Variants in ATP2B2 observed in about 807,000 individuals in gnomAD.
ATP2B2 encodes the protein ATPase plasma membrane Ca2+ transporting 2.
Under a neutral mutation model 120.0 loss-of-function variants are expected in ATP2B2, and 15 were observed. The ratio of observed to expected loss-of-function variants is 0.12; its 90% CI spans 0.08 to 0.19. The LOEUF is 0.19. ATP2B2 is among the 10% of genes least tolerant of loss of function. The pLI, the probability that ATP2B2 is intolerant of heterozygous loss-of-function variation, is 1.00. For synonymous variants in ATP2B2, 694 were observed against 700.3 expected (o/e 0.99, Z 0.14); for missense variants, 1,045 against 1,719.8 (o/e 0.61, Z 6.94).
chr3:10,563,377 G>T (rs934959942), intron 2 of ATP2B2, among the ~76,000 whole-genome samples: 8 of 152,196 alleles, frequency 5.3e-5, no homozygotes, highest in African/African-American at 7.2e-5. Context: ...CTAACTCCTG[G>T]CAAATCAATA....
intron 2 of ATP2B2, among the ~76,000 whole-genome samples, chr3:10,414,170 G>C (rs1386399525): frequency 1.3e-5 from 2 of 152,198 alleles, no homozygotes; most frequent in Admixed American, 1.3e-4. Flanking sequence ...AGTAGGTGAG[G>C]CCAGCCAAAC....
intron 2 of ATP2B2, among the ~76,000 whole-genome samples, chr3:10,575,073 CCGCTG>C (rs748519788): frequency 9.9e-5 from 15 of 152,200 alleles, no homozygotes; most frequent in South Asian, 4.1e-4. Context: ...GGTGAAGTCC[CCGCTG>C]CCGACTGCTC....
chr3:10,682,871 G>C (rs1001718960), intron 1 of ATP2B2, among the ~76,000 whole-genome samples: 2 of 152,218 alleles, frequency 1.3e-5, no homozygotes, highest in African/African-American at 4.8e-5. Context: ...ATGGCAGGGG[G>C]CCACAGAAGC....
intron 1 of ATP2B2, among the ~76,000 whole-genome samples, chr3:10,502,896 C>T (rs1414903326): frequency 6.6e-6 from 1 of 152,242 alleles, no homozygotes; most frequent in Non-Finnish European, 1.5e-5. Flanking sequence ...CCTTCTACCT[C>T]CCCTCTGCCA....
chr3:10,359,247 G>C (rs2060827321), intron 13 of ATP2B2, among the ~76,000 whole-genome samples: 1 of 152,200 alleles, frequency 6.6e-6, no homozygotes, highest in African/African-American at 2.4e-5. Flanking sequence ...AGAATTGCTT[G>C]GAGGAGCCTT....
intron 1 of ATP2B2, among the ~76,000 whole-genome samples, chr3:10,675,553 C>T (rs2071220357): frequency 6.6e-6 from 1 of 152,322 alleles, no homozygotes; most frequent in Non-Finnish European, 1.5e-5. Context: ...CAACAGACCC[C>T]TCTTTGCTCA....
intron 5 of ATP2B2, among the ~76,000 whole-genome samples, chr3:10,398,444 C>T (rs2062114504): frequency 6.6e-6 from 1 of 152,212 alleles, no homozygotes; most frequent in African/African-American, 2.4e-5. Context: ...TGCAGTCACC[C>T]CTTTCTCATC....
In ATP2B2 at chr3:10,343,084, C is replaced by G; in HGVS notation, c.2704-119G>C. ...CTGGAGGCTGGAGTCCGACCTGCCC[C>G]TTGGCTCCCCAGCAGGCATGGAGTT... On this transcript the variant is annotated intron_variant, in intron 18 of 22. Transcript: ENST00000360273. The surrounding 1 kb of genome is among the most constrained non-coding windows in gnomAD (Gnocchi z 4.2). The G allele has an allele frequency of 9.9e-7, 1 of 1,007,044 alleles. No individual in the cohort carries two copies. Among genetic ancestry groups the G allele is most frequent in the Non-Finnish European group, 1.5e-6 (1 of 667,804 alleles). The allele number at this position is 1,007,044 out of a possible 1,614,324, so 62.4% of individuals were successfully genotyped here.
At position 10,410,719 on chromosome 3, in the gene ATP2B2, A is replaced by G. The variant is rs753077209; in HGVS notation, c.296T>C (p.Val99Ala). 1.4e-5 allele frequency: 22 copies of G among 1,614,086 alleles called. No homozygotes were observed. Among genetic ancestry groups the G allele is most frequent in the Non-Finnish European group, 1.8e-5 (21 of 1,180,040 alleles). The change falls in exon 3 of 23, where the codon GTG (valine) becomes GCG (alanine). Residue 99 changes from valine (V) to alanine (A), a missense_variant. This residue lies in a region of ATP2B2 where 139 missense variants were observed against 134.2 expected (regional missense o/e 1.04). Coordinates refer to ENST00000360273, the MANE Select transcript of ATP2B2 (RefSeq NM_001001331.4). ...PKKPKTFLQL[V>A]WEALQDVTLI... ...CGTCACGTCCTGCAGCGCCTCCCAC[A>G]CGAGCTGCAGGAAGGTTTTTGGCTT...
chr3:10,425,018 C>T (rs998220576), intron 2 of ATP2B2, among the ~76,000 whole-genome samples: 2 of 151,988 alleles, frequency 1.3e-5, no homozygotes, highest in African/African-American at 4.8e-5. Context: ...TGGCTGGGCA[C>T]GGTGGCTCAC....
chr3:10,659,398 A>T (rs1265276053), intron 1 of ATP2B2, among the ~76,000 whole-genome samples: 12 of 152,240 alleles, frequency 7.9e-5, no homozygotes, highest in East Asian at 7.7e-4. Flanking sequence ...GGATGGAGGA[A>T]CATCTATCAA....
upstream of ATP2B2, among the ~76,000 whole-genome samples, chr3:10,506,475 A>C (rs1236965229): frequency 1.3e-5 from 2 of 152,146 alleles, no homozygotes; most frequent in East Asian, 3.9e-4. Flanking sequence ...GTAGGGTTGG[A>C]AGCCCCTAGC....
At chr3:10,545,151 A>G (rs1262673996) in intron 2 of ATP2B2, among the ~76,000 whole-genome samples, 2 of 152,258 alleles carry the variant, frequency 1.3e-5, no homozygotes, top group East Asian at 1.9e-4. Context: ...TCAGAAGATT[A>G]CATACTGTAT....
At chr3:10,591,350 C>T (rs1212941856) in intron 2 of ATP2B2, among the ~76,000 whole-genome samples, 1 of 152,136 alleles carries the variant, frequency 6.6e-6, no homozygotes, top group African/African-American at 2.4e-5. Flanking sequence ...GGCACCAACC[C>T]CATGCTCAAA....
intron 2 of ATP2B2, among the ~76,000 whole-genome samples, chr3:10,418,606 A>T (rs1395971249): frequency 6.6e-6 from 1 of 152,144 alleles, no homozygotes; most frequent in Non-Finnish European, 1.5e-5. Context: ...ATGGGGCTGC[A>T]CGTCTTTATT....
At chr3:10,675,641 C>T (rs2071222552) in intron 1 of ATP2B2, among the ~76,000 whole-genome samples, 1 of 152,148 alleles carries the variant, frequency 6.6e-6, no homozygotes, top group South Asian at 2.1e-4. Flanking sequence ...TTACTCTCAT[C>T]CATGCCAACA....
intron 1 of ATP2B2, among the ~76,000 whole-genome samples, chr3:10,679,677 T>C (rs1368869659): frequency 2.0e-5 from 3 of 152,234 alleles, no homozygotes; most frequent in Non-Finnish European, 4.4e-5. Context: ...GAACACATTG[T>C]TGTATAGTCA....
At chr3:10,578,341 G>A (rs987305380) in intron 2 of ATP2B2, among the ~76,000 whole-genome samples, 4 of 151,460 alleles carry the variant, frequency 2.6e-5, no homozygotes, top group African/African-American at 7.3e-5. Flanking sequence ...ATAGGAGATC[G>A]AGATCATCCT....
chr3:10,573,192 G>C (rs546136899), intron 2 of ATP2B2, among the ~76,000 whole-genome samples: 1 of 150,224 alleles, frequency 6.7e-6, no homozygotes, highest in East Asian at 1.9e-4. Context: ...GTTTTGGACA[G>C]GGTTAATTAA....
Sources: allele counts gnomAD v4.1 joint callset (sites outside exome capture counted in the v4.1 genomes callset), GRCh38; gene constraint gnomAD v4.1.1; regional missense constraint gnomAD v4.1.1; non-coding constraint Gnocchi (gnomAD v3.1); transcripts MANE v1.5; gene names NCBI Gene and HGNC (gene_info 2026-07-23, HGNC 2026-07-21).